The following DPYD variants were observed in gnomAD, a reference collection of about 807,000 sequenced individuals.
DPYD encodes dihydropyrimidine dehydrogenase, also known as dihydropyrimidine dehydrogenase [NADP(+)].
A neutral mutation model predicts 116.2 loss-of-function variants in DPYD; 109 were observed. The observed-to-expected ratio is 0.94, with a 90% CI of 0.80 to 1.10. The LOEUF (loss-of-function observed/expected upper bound fraction) is 1.10. DPYD is among the 50% of genes least tolerant of loss of function. The pLI, the probability that DPYD is intolerant of heterozygous loss-of-function variation, is 0.00. For synonymous variants in DPYD, 440 were observed against 432.0 expected (o/e 1.02, Z -0.23); for missense variants, 1,302 against 1,254.5 (o/e 1.04, Z -0.57).
At chr1:97,742,316 C>A (rs1211175504) in intron 3 of DPYD, among the ~76,000 whole-genome samples, 1 of 152,088 alleles carries the variant, frequency 6.6e-6, no homozygotes, top group Non-Finnish European at 1.5e-5. Flanking sequence ...TCTTCATTGT[C>A]TGAACCAATT....
chr1:97,654,585 C>T (rs1213982140), intron 8 of DPYD, among the ~76,000 whole-genome samples: 3 of 151,982 alleles, frequency 2.0e-5, no homozygotes, highest in African/African-American at 4.8e-5. Flanking sequence ...ATCTCCAATA[C>T]ATATTATTTG....
chr1:97,547,447 G>A (rs947827346), intron 12 of DPYD, among the ~76,000 whole-genome samples: 4 of 152,132 alleles, frequency 2.6e-5, no homozygotes, highest in African/African-American at 7.2e-5. Context: ...ACTGGAGCCT[G>A]AACCACTCAC....
intron 3 of DPYD, among the ~76,000 whole-genome samples, chr1:97,751,404 A>G (rs915077704): frequency 3.0e-4 from 43 of 141,098 alleles, no homozygotes; most frequent in African/African-American, 1.1e-3. Flanking sequence ...ATATATACAT[A>G]TATACGTGTA....
intron 3 of DPYD, among the ~76,000 whole-genome samples, chr1:97,758,346 T>C (rs1665373170): frequency 7.1e-6 from 1 of 140,290 alleles, no homozygotes; most frequent in African/African-American, 2.6e-5. Context: ...AAAAGTGTTA[T>C]CAGATTATGA....
At chr1:97,612,954 C>T (rs1856159) in intron 8 of DPYD, among the ~76,000 whole-genome samples, 150,722 of 152,110 alleles carry the variant, frequency 0.99, 74,687 homozygotes, top group Middle Eastern at 1. Context: ...AATTTTCTTA[C>T]TGATTATTAT....
chr1:97,313,523 G>GTGTGT (rs1667638471), intron 16 of DPYD, among the ~76,000 whole-genome samples: 1 of 151,366 alleles, frequency 6.6e-6, no homozygotes, highest in Non-Finnish European at 1.5e-5. Context: ...GTGTGTGTGT[G>GTGTGT]GCTACTTCCT....
Position 97,468,216 on chromosome 1 carries a change from C to T in DPYD, c.1741-17993G>A, listed in dbSNP as rs993544583. 3.7e-4 allele frequency among the ~76,000 whole-genome samples: 57 copies of T among 152,290 alleles called. 1 individual carries two copies. The highest frequency in any genetic ancestry group is 2.5e-3 in the Admixed American group (39 of 15,298). Reference sequence around the variant, plus strand: ...GTTGTTGCTTTCTTACTGCTACTTACATTAATTTCATACTATTTTCAAATG... The same window carrying T: ...GTTGTTGCTTTCTTACTGCTACTTATATTAATTTCATACTATTTTCAAATG... On this transcript the variant is annotated intron_variant, in intron 13 of 22. Coordinates refer to ENST00000370192, the MANE Select transcript of DPYD (RefSeq NM_000110.4).
At chr1:97,458,235 T>A (rs1676806350) in intron 13 of DPYD, among the ~76,000 whole-genome samples, 1 of 152,156 alleles carries the variant, frequency 6.6e-6, no homozygotes, top group Non-Finnish European at 1.5e-5. Flanking sequence ...TAAGAAAACT[T>A]GTGTAAATCT....
chr1:97,313,805 G>T (rs1186221166), intron 16 of DPYD, among the ~76,000 whole-genome samples: 1 of 151,798 alleles, frequency 6.6e-6, no homozygotes, highest in East Asian at 1.9e-4. Context: ...TTATCACAGT[G>T]TTTTATAGTC....
intron 18 of DPYD, among the ~76,000 whole-genome samples, chr1:97,243,045 G>C (rs1235794949): frequency 1.3e-5 from 2 of 151,760 alleles, no homozygotes; most frequent in African/African-American, 4.8e-5. Flanking sequence ...TGTAAATTCA[G>C]CAATGAAAGC....
intron 13 of DPYD, among the ~76,000 whole-genome samples, chr1:97,467,966 AAG>A (rs1429040523): frequency 6.6e-6 from 1 of 152,172 alleles, no homozygotes; most frequent in African/African-American, 2.4e-5. Flanking sequence ...CTGACAAGAG[AAG>A]ACTGTCCAGA....
At chr1:97,917,262 T>G (rs901268940) in intron 1 of DPYD, among the ~76,000 whole-genome samples, 2 of 152,134 alleles carry the variant, frequency 1.3e-5, no homozygotes, top group Admixed American at 6.5e-5. Flanking sequence ...TAAAGTGGAA[T>G]CTTTATTATC....
Position 97,577,053 on chromosome 1 carries a change from T to A in DPYD, c.1129-3083A>T, listed in dbSNP as rs72975717. On this transcript the variant is annotated intron_variant, in intron 10 of 22. Coordinates refer to ENST00000370192, the MANE Select transcript of DPYD (RefSeq NM_000110.4). ...GAGAGTGAGATCATGTTAAGATTTA[T>A]CTTGGGAAATAGGGAAATACTAGGA... Among the ~76,000 whole-genome samples, 405 of 152,330 alleles carry A rather than the reference T, an allele frequency of 2.7e-3. 4 individuals are homozygous for A. The highest frequency in any genetic ancestry group is 9.1e-3 in the African/African-American group (380 of 41,580).
chr1:97,920,145 ATCCTTT>A (rs1674432788), intron 1 of DPYD, among the ~76,000 whole-genome samples: 1 of 152,178 alleles, frequency 6.6e-6, no homozygotes, highest in Non-Finnish European at 1.5e-5. Flanking sequence ...TGATAATTAA[ATCCTTT>A]TCATCGCATA....
chr1:97,467,143 GT>G (rs1677375324), intron 13 of DPYD, among the ~76,000 whole-genome samples: 1 of 152,200 alleles, frequency 6.6e-6, no homozygotes, highest in African/African-American at 2.4e-5. Flanking sequence ...GATAAAATAT[GT>G]CTCTAAGTTG....
At chr1:97,253,066 G>C (rs1005174298) in intron 18 of DPYD, among the ~76,000 whole-genome samples, 4 of 152,116 alleles carry the variant, frequency 2.6e-5, no homozygotes, top group South Asian at 2.1e-4. Flanking sequence ...AACTGAACTA[G>C]AGAAACATAT....
rs990806974 is a variant in DPYD, at chr1:97,757,133, G to A, written c.234-16654C>T. 2.0e-5 allele frequency among the ~76,000 whole-genome samples: 3 copies of A among 152,216 alleles called. No individual in the cohort carries two copies. The East Asian group carries it at 5.8e-4, about 29-fold the overall frequency. ...TTCAACGAATATTGTTTGAGTACCT[G>A]TTAGGTCCAGGGTCAAGGGAAAATG... is the stretch of plus-strand genomic sequence containing the variant. On this transcript the variant is annotated intron_variant, in intron 3 of 22. Transcript: ENST00000370192.
intron 2 of DPYD, among the ~76,000 whole-genome samples, chr1:97,857,011 C>T (rs1670878372): frequency 6.6e-6 from 1 of 152,104 alleles, no homozygotes. Context: ...AGAAGAGGAT[C>T]CTCTCCCCAA....
intron 20 of DPYD, among the ~76,000 whole-genome samples, chr1:97,154,284 G>A (rs1346041443): frequency 6.6e-6 from 1 of 152,110 alleles, no homozygotes; most frequent in Non-Finnish European, 1.5e-5. Flanking sequence ...AGAAAACGTG[G>A]TAAATATACA....
Sources: allele counts gnomAD v4.1 joint callset (sites outside exome capture counted in the v4.1 genomes callset), GRCh38; gene constraint gnomAD v4.1.1; transcripts MANE v1.5; gene names NCBI Gene and HGNC (gene_info 2026-07-23, HGNC 2026-07-21).